The following PITX1 variants were observed in gnomAD, a reference collection of about 807,000 sequenced individuals.
The protein encoded by PITX1 is paired like homeodomain 1, also known as pituitary homeobox 1.
A neutral mutation model predicts 24.1 loss-of-function variants in PITX1; 5 were observed. That is an observed-to-expected ratio of 0.21 (90% CI 0.11 to 0.44). The LOEUF is 0.44. Among genes scored for constraint, PITX1 ranks in the 20% least tolerant of loss-of-function variants. PITX1 has a pLI of 0.99. For missense variants in PITX1, 401 were observed against 455.4 expected (o/e 0.88, Z 1.09); for synonymous variants, 213 against 208.9 (o/e 1.02, Z -0.17).
chr5:135,031,085 G>A (rs777960396), intron 2 of PITX1, among the ~76,000 whole-genome samples, 191 bp downstream of exon 2: 2 of 152,204 alleles, frequency 1.3e-5, no homozygotes, highest in African/African-American at 4.8e-5. Flanking sequence ...TTGAAGGTCC[G>A]AGGCGCCTGG....
intron 1 of PITX1, chr5:135,032,953 C>A (rs1426153076): frequency 2.2e-6 from 1 of 448,090 alleles, no homozygotes; most frequent in Admixed American, 2.4e-5. Flanking sequence ...CTGCGCTGGG[C>A]AGCGGATTCG....
At position 135,033,786 on chromosome 5, in the gene PITX1, G is replaced by A. The variant is rs1296688062; in HGVS notation, c.96C>T (p.His32=). 4.4e-6 allele frequency: 7 copies of A among 1,583,424 alleles called. No homozygotes were observed. The South Asian group carries it at 4.5e-5, about 10-fold the overall frequency. The change falls in exon 1 of 3, where the codon CAC becomes CAT. Residue 32 remains histidine, a synonymous_variant. Coordinates refer to ENST00000265340, the MANE Select transcript of PITX1 (RefSeq NM_002653.5). This position sits in a 1 kb window ranked among gnomAD's most constrained non-coding sequence, Gnocchi z 5.9. The part of the protein sequence containing the change: ...PPPHDMGPAF[H]LARPADPREP... ...CGCGGGGGTCGGCGGGCCGGGCCAG[G>A]TGGAAGGCGGGCCCCATGTCATGGG...
rs141400021 is a variant in PITX1 at position 135,030,079 on chromosome 5, A to G, written c.403-758T>C. On this transcript the variant is annotated intron_variant, in intron 2 of 2. Coordinates refer to ENST00000265340, the MANE Select transcript of PITX1 (RefSeq NM_002653.5). ...AAATATGTTTCTCCACAAATATTTA[A>G]ATTTTTTCTATTCTTACTAGATTCT... Among the ~76,000 whole-genome samples the G allele has an allele frequency of 1.2e-3, 181 of 152,242 alleles. 1 individual carries two copies. Among genetic ancestry groups the G allele is most frequent in the African/African-American group, 3.4e-3 (142 of 41,532 alleles).
chr5:135,028,809 C>G lies in PITX1; in HGVS notation c.915G>C (p.Ser305=), dbSNP rs775077362. The G allele has an allele frequency of 7.5e-6, 12 of 1,610,212 alleles. No individual in the cohort carries two copies. The highest frequency in any genetic ancestry group is 9.3e-6 in the Non-Finnish European group (11 of 1,178,950). Residue 305 remains serine, a synonymous_variant, in exon 3 of 3, where the codon TCG becomes TCC. Transcript: ENST00000265340. The part of the protein sequence containing the change: ...FGYGGLQGPA[S]GLNACQYNS ...TGTTGTACTGGCACGCGTTGAGGCC[C>G]GAGGCCGGGCCCTGCAGGCCGCCGT...
chr5:135,028,862 T>C lies in PITX1; in HGVS notation c.862A>G (p.Lys288Glu), dbSNP rs1298472078. Residue 288 changes from lysine (K) to glutamate (E), a missense_variant, in exon 3 of 3, where the codon AAG becomes GAG. Lys to Glu is a moderately conservative substitution (Grantham distance 56). This residue lies in a region of PITX1 where 217 missense variants were observed against 219.8 expected (regional missense o/e 0.99). Transcript: ENST00000265340. ...CNSSLASLRL[K>E]SKQHSSFGYG... ...CCAAACGACGAGTGCTGTTTGGACT[T>C]GAGCCGCAGGCTGGCTAGGCTCGAG... is the stretch of plus-strand genomic sequence containing the variant. 1 of 1,613,746 alleles carries C rather than the reference T, an allele frequency of 6.2e-7. No homozygotes were observed. Among genetic ancestry groups the C allele is most frequent in the Non-Finnish European group, 8.5e-7 (1 of 1,179,938 alleles).
At chr5:135,029,380 C>A (rs10056994) in intron 2 of PITX1, 59 bp from the exon 3 acceptor site, 5 of 1,408,176 alleles carry the variant, frequency 3.6e-6, no homozygotes, top group Non-Finnish European at 4.8e-6. Flanking sequence ...GACCCCACCC[C>A]CTTCCCCACC....
intron 2 of PITX1, among the ~76,000 whole-genome samples, chr5:135,030,933 C>T (rs2149560494): frequency 6.6e-6 from 1 of 152,326 alleles, no homozygotes; most frequent in African/African-American, 2.4e-5. Context: ...GAATCCACTG[C>T]CCAGTCTCTG....
chr5:135,031,586 C>G (rs923019183), intron 1 of PITX1, 78 bp from the exon 2 acceptor site: 9 of 1,177,386 alleles, frequency 7.6e-6, no homozygotes, highest in South Asian at 1.4e-5. Flanking sequence ...CCGAACCGCT[C>G]GCCACCAGCG....
chr5:135,033,485 T>G lies in PITX1; in HGVS notation c.169+228A>C. 1.8e-6 allele frequency: 1 copy of G among 570,158 alleles called. No homozygotes were observed. The allele number at this position is 570,158 out of a possible 1,614,324, so 35.3% of individuals were successfully genotyped here. ...GTCCAACCCTCCAGCTGTAGGCTCG[T>G]GCATCTGCCAGTCTCTTGGCGCGTG... On this transcript the variant is annotated intron_variant, in intron 1 of 2. Coordinates refer to ENST00000265340, the MANE Select transcript of PITX1 (RefSeq NM_002653.5). This position sits in a 1 kb window ranked among gnomAD's most constrained non-coding sequence, Gnocchi z 5.9.
chr5:135,033,645 T>C lies in PITX1; in HGVS notation c.169+68A>G. On this transcript the variant is annotated intron_variant, in intron 1 of 2. Transcript: ENST00000265340. The surrounding 1 kb of genome is among the most constrained non-coding windows in gnomAD (Gnocchi z 5.9). Reference sequence around the variant, plus strand: ...GTTGCGCGGCGCGGGCGTCAGGCCCTGCTCCCAGCTCCCCGTGCTCCGCGC... The same window carrying C: ...GTTGCGCGGCGCGGGCGTCAGGCCCCGCTCCCAGCTCCCCGTGCTCCGCGC... The C allele has an allele frequency of 3.3e-6, 5 of 1,513,524 alleles. No homozygotes were observed. The highest frequency in any genetic ancestry group is 2.3e-5 in the East Asian group (1 of 42,556). 93.8% of individuals were successfully genotyped at this position (1,513,524 alleles called of 1,614,324 possible).
In PITX1 at chr5:135,028,284, G is replaced by C. The variant is rs1007019541; in HGVS notation, c.*495C>G. 6.6e-6 allele frequency: 1 copy of C among 152,374 alleles called. No homozygotes were observed. Among genetic ancestry groups the C allele is most frequent in the Non-Finnish European group, 1.5e-5 (1 of 68,160 alleles). The allele number at this position is 152,374 out of a possible 1,614,324, so 9.4% of individuals were successfully genotyped here. On this transcript the variant is annotated 3_prime_UTR_variant, in exon 3 of 3. Coordinates refer to ENST00000265340, the MANE Select transcript of PITX1 (RefSeq NM_002653.5). ...TCGGAGAGGGCAACTTGGTTTGTAC[G>C]GGGTCGGGAAATCCTAGGCAAGTCC...
At chr5:135,030,177 T>C (rs978398658) in intron 2 of PITX1, among the ~76,000 whole-genome samples, 1 of 152,180 alleles carries the variant, frequency 6.6e-6, no homozygotes, top group African/African-American at 2.4e-5. Context: ...CATCCTTACC[T>C]ATCTGCCTAC....
Position 135,028,686 on chromosome 5 carries a change from G to A in PITX1, c.*93C>T, listed in dbSNP as rs1172973710. On this transcript the variant is annotated 3_prime_UTR_variant, in exon 3 of 3. Coordinates refer to ENST00000265340, the MANE Select transcript of PITX1 (RefSeq NM_002653.5). ...TGAGGTCCGCGGCGCGGTGAGCTGG[G>A]GCTTGCGAGCCGGGGCCCCGCGTGC... The A allele has an allele frequency of 9.1e-6, 8 of 883,016 alleles. No individual in the cohort carries two copies. The African/African-American group carries it at 1.2e-4, about 14-fold the overall frequency. 54.7% of individuals were successfully genotyped at this position (883,016 alleles called of 1,614,324 possible).
rs10716861 is a variant in PITX1 at position 135,033,031 on chromosome 5, CA to C, written c.169+681del. 196,698 of 448,018 alleles carry C rather than the reference CA, an allele frequency of 0.44. 47,279 individuals carry two copies. Among genetic ancestry groups the C allele is most frequent in the African/African-American group, 0.76 (37,557 of 49,358 alleles). The allele number at this position is 448,018 out of a possible 1,614,324, so 27.8% of individuals were successfully genotyped here. The stretch of plus-strand genomic sequence containing the variant: ...TGCTGGAAAAAAGCTCCAGCTCGGA[CA>C]AAAAAAGGCAGCGCGGAGGGAGACG... On this transcript the variant is annotated intron_variant, in intron 1 of 2. Transcript: ENST00000265340. This position sits in a 1 kb window ranked among gnomAD's most constrained non-coding sequence, Gnocchi z 5.9.
In PITX1 at chr5:135,028,762, G is replaced by C. The variant is rs1210819830; in HGVS notation, c.*17C>G. 4 of 1,555,728 alleles carry C rather than the reference G, an allele frequency of 2.6e-6. No individual in the cohort carries two copies. Among genetic ancestry groups the C allele is most frequent in the Non-Finnish European group, 3.5e-6 (4 of 1,150,716 alleles). On this transcript the variant is annotated 3_prime_UTR_variant, in exon 3 of 3. Coordinates refer to ENST00000265340, the MANE Select transcript of PITX1 (RefSeq NM_002653.5). ...TTCCCCGCTCCGGCCGCCGGCCCGC[G>C]TGGTGCGGCGGGGCGGTCAGCTGTT... is the stretch of plus-strand genomic sequence containing the variant.
chr5:135,028,954 A>G lies in PITX1; in HGVS notation c.770T>C (p.Met257Thr), dbSNP rs767150308. The G allele has an allele frequency of 6.2e-7, 1 of 1,614,074 alleles. No individual in the cohort carries two copies. Among genetic ancestry groups the G allele is most frequent in the Non-Finnish European group, 8.5e-7 (1 of 1,179,986 alleles). The part of the protein sequence containing the change: ...NLTGSSLNSA[M>T]SPGACPYGTP... ...GCCGTACGGGCAAGCGCCCGGCGAC[A>G]TGGCCGAGTTGAGCGAGGAGCCGGT... Residue 257 changes from methionine to threonine, a missense_variant, in exon 3 of 3, where the codon ATG (methionine) becomes ACG (threonine). Coordinates refer to ENST00000265340, the MANE Select transcript of PITX1 (RefSeq NM_002653.5).
In PITX1 at chr5:135,034,019, GC is replaced by G; in HGVS notation, c.-139del. 2.5e-6 allele frequency: 1 copy of G among 407,494 alleles called. No homozygotes were observed. The highest frequency in any genetic ancestry group is 3.8e-6 in the Non-Finnish European group (1 of 265,258). 25.2% of individuals were successfully genotyped at this position (407,494 alleles called of 1,614,324 possible). A position where few individuals can be genotyped will look rare whatever the true frequency, so the allele number is the denominator to read the frequency against. ...CTGCCGGCGCCTGCAGCGACGCCGTGCCCGCCCCATGGACCGCCCGGGGCTG... is the reference window on the plus strand; with the variant it reads ...CTGCCGGCGCCTGCAGCGACGCCGTGCCGCCCCATGGACCGCCCGGGGCTG... On this transcript the variant is annotated 5_prime_UTR_variant, in exon 1 of 3. An upstream open reading frame in the 5' UTR loses its in-frame stop. Transcript: ENST00000265340.
intron 2 of PITX1, among the ~76,000 whole-genome samples, chr5:135,030,934 C>T (rs766102824): frequency 1.3e-5 from 2 of 152,202 alleles, no homozygotes; most frequent in Non-Finnish European, 2.9e-5. Context: ...AATCCACTGC[C>T]CAGTCTCTGG....
At chr5:135,034,451 CCCGCCCCCCGCGGCCTCG>C (rs1166825544), upstream of PITX1, 2 of 152,496 alleles carry the variant, frequency 1.3e-5, no homozygotes, top group Admixed American at 6.5e-5. Flanking sequence ...CCGCCGCCTC[CCCGCCCCCCGCGGCCTCG>C]CCGCGCCTCT....
Sources: allele counts gnomAD v4.1 joint callset (sites outside exome capture counted in the v4.1 genomes callset), GRCh38; gene constraint gnomAD v4.1.1; regional missense constraint gnomAD v4.1.1; non-coding constraint Gnocchi (gnomAD v3.1); transcripts MANE v1.5; gene names NCBI Gene and HGNC (gene_info 2026-07-23, HGNC 2026-07-21).